TGM2: variants seen among roughly 807,000 people sequenced by gnomAD.
TGM2 encodes the protein transglutaminase 2.
In TGM2, 53 loss-of-function variants were observed where a neutral mutation model predicts 75.6. That is an observed-to-expected ratio of 0.70 (90% confidence interval 0.56 to 0.88). The LOEUF (loss-of-function observed/expected upper bound fraction) is 0.88, where lower values mean the gene tolerates loss of function less well. Ranked by LOEUF, TGM2 falls within the 40% of genes least tolerant of loss-of-function variation. The pLI is 0.00. For missense variants in TGM2, 842 were observed against 928.5 expected (o/e 0.91, Z 1.21); for synonymous variants, 374 against 381.1 (o/e 0.98, Z 0.22).
At chr20:38,132,608 C>T (rs1039448377) in intron 10 of TGM2, 108 bp from the exon 11 acceptor site, 14 of 1,464,774 alleles carry the variant, frequency 9.6e-6, no homozygotes, top group Non-Finnish European at 1.3e-5. Flanking sequence ...TGGGGTCACA[C>T]AGCGGGGGAA....
chr20:38,161,718 A>G lies in TGM2; in HGVS notation c.11-119T>C, dbSNP rs1454648950. 10 of 1,251,222 alleles carry G rather than the reference A, an allele frequency of 8.0e-6. No homozygotes were observed. The East Asian group carries it at 1.9e-4, about 24-fold the overall frequency. The allele number at this position is 1,251,222 out of a possible 1,614,324, so 77.5% of individuals were successfully genotyped here. ...CTCTTACTCCCCACAAAGCACAGCC[A>G]TTGTTTCGACTGACCTGTCTCCCCA... is the stretch of plus-strand genomic sequence containing the variant. On this transcript the variant is annotated intron_variant, in intron 1 of 12. Transcript: ENST00000361475.
intron 1 of TGM2, among the ~76,000 whole-genome samples, chr20:38,164,091 C>T (rs73905562): frequency 1.3e-3 from 198 of 152,348 alleles, no homozygotes; most frequent in African/African-American, 4.6e-3. Flanking sequence ...CCAGGATCTC[C>T]CAGCCCCACT....
At chr20:38,147,547 G>A (rs1404592349) in intron 5 of TGM2, among the ~76,000 whole-genome samples, 2 of 152,036 alleles carry the variant, frequency 1.3e-5, no homozygotes, top group Non-Finnish European at 2.9e-5. Flanking sequence ...CTCACACCTC[G>A]GGTTCCTTCA....
chr20:38,141,436 CG>C (rs773690347), intron 7 of TGM2, 51 bp from the exon 8 acceptor site: 8 of 1,358,202 alleles, frequency 5.9e-6, no homozygotes, highest in Non-Finnish European at 8.2e-6. Context: ...CAACATTCAT[CG>C]CCACCTCCCA....
At chr20:38,165,314 G>T, upstream of TGM2, 1 of 1,509,996 alleles carries the variant, frequency 6.6e-7, no homozygotes, top group Non-Finnish European at 9.1e-7. Context: ...GCTTTGGGGC[G>T]GGCCGGGGGC....
In TGM2 at chr20:38,138,210, G is replaced by A; in HGVS notation, c.1518C>T (p.Arg506=). Residue 506 remains arginine, a synonymous_variant, in exon 10 of 13, where the codon CGC becomes CGT. Coordinates refer to ENST00000361475, the MANE Select transcript of TGM2 (RefSeq NM_004613.4). ...TNNTAEEYVC[R]LLLCARTVSY... The stretch of plus-strand genomic sequence containing the variant: ...TGACGGTGCGGGCACAGAGCAGGAG[G>A]CGGCAGACGTACTCCTCAGCGGTGT... 6.2e-7 allele frequency: 1 copy of A among 1,610,498 alleles called. No homozygotes were observed. The highest frequency in any genetic ancestry group is 8.5e-7 in the Non-Finnish European group (1 of 1,178,472).
upstream of TGM2, chr20:38,165,440 G>A (rs867738765): frequency 2.2e-5 from 13 of 582,516 alleles, no homozygotes; most frequent in Middle Eastern, 9.1e-4. Flanking sequence ...GACGGCGGCC[G>A]GACGAGGGCG....
intron 2 of TGM2, among the ~76,000 whole-genome samples, chr20:38,161,002 T>A (rs559076155): frequency 6.6e-6 from 1 of 152,166 alleles, no homozygotes; most frequent in Middle Eastern, 3.4e-3. Context: ...ACAGGGTTTC[T>A]CCACGTTGGT....
chr20:38,140,460 A>G (rs1415832136), intron 8 of TGM2, among the ~76,000 whole-genome samples: 1 of 152,224 alleles, frequency 6.6e-6, no homozygotes, highest in Non-Finnish European at 1.5e-5. Context: ...AACAGAATTC[A>G]GGGGTCTATG....
chr20:38,155,823 G>T, intron 3 of TGM2, 24 bp downstream of exon 3: 1 of 1,589,508 alleles, frequency 6.3e-7, no homozygotes, highest in Admixed American at 1.8e-5. Flanking sequence ...CCCCAACGCT[G>T]TGAGTGGATG....
intron 3 of TGM2, among the ~76,000 whole-genome samples, chr20:38,153,707 T>A (rs536628339): frequency 6.6e-6 from 1 of 152,174 alleles, no homozygotes; most frequent in South Asian, 2.1e-4. Context: ...TCCAGGCACA[T>A]ACAGACTGAC....
chr20:38,132,358 AT>A lies in TGM2; in HGVS notation c.1757del (p.Asn586IlefsTer44). 6.2e-7 allele frequency: 1 copy of A among 1,614,032 alleles called. No homozygotes were observed. Among genetic ancestry groups the A allele is most frequent in the Non-Finnish European group, 8.5e-7 (1 of 1,180,010 alleles). ...LLAERDLYLE[N>X]PEIKIRILGE... ...CCCTTACCCGGATCTTGATTTCTGG[AT>A]TCTCCAGGTAGAGGTCCCTCTCAGC... On this transcript the variant is annotated frameshift_variant, in exon 11 of 13. Transcript: ENST00000361475. LOFTEE classifies it high-confidence loss of function.
At chr20:38,147,906 C>A in intron 5 of TGM2, 55 bp downstream of exon 5, 1 of 1,575,562 alleles carries the variant, frequency 6.3e-7, no homozygotes, top group Non-Finnish European at 8.6e-7. Flanking sequence ...GAGGGAGAGG[C>A]CTGCGGGAGC....
At chr20:38,158,304 C>T (rs1056375161) in intron 2 of TGM2, among the ~76,000 whole-genome samples, 7 of 152,352 alleles carry the variant, frequency 4.6e-5, no homozygotes, top group Non-Finnish European at 5.9e-5. Flanking sequence ...GGCTGTCCCA[C>T]GGTCCACCCG....
chr20:38,134,895 C>T (rs760871461), intron 10 of TGM2, among the ~76,000 whole-genome samples: 9 of 152,206 alleles, frequency 5.9e-5, no homozygotes, highest in African/African-American at 9.6e-5. Flanking sequence ...TTAGAGGGAA[C>T]GCATCTCAGC....
rs771250817 is a variant in TGM2, at chr20:38,131,110, C to T, written c.1896G>A (p.Glu632=). Residue 632 remains glutamate, a synonymous_variant, in exon 12 of 13, where the codon GAG becomes GAA. Coordinates refer to ENST00000361475, the MANE Select transcript of TGM2 (RefSeq NM_004613.4). ...GCACTTACATCTCCACCGTCTTCTG[C>T]TCCTCAGTCAGGCCGGCCCCCTCCA... is the stretch of plus-strand genomic sequence containing the variant. ...FTVEGAGLTE[E]QKTVEIPDPV... 18 of 1,612,864 alleles carry T rather than the reference C, an allele frequency of 1.1e-5. No homozygotes were observed. Among genetic ancestry groups the T allele is most frequent in the Non-Finnish European group, 4.2e-6 (5 of 1,180,004 alleles).
intron 6 of TGM2, among the ~76,000 whole-genome samples, chr20:38,144,995 G>C (rs1401024607): frequency 6.6e-6 from 1 of 152,166 alleles, no homozygotes; most frequent in Non-Finnish European, 1.5e-5. Context: ...TCCAGGTCTT[G>C]GATTTCGGGG....
Position 38,148,985 on chromosome 20 carries a change from T to A in TGM2, c.553-896A>T, listed in dbSNP as rs188230046. ...CAACAGCCTTCCACGGTGTGAACCC[T>A]CTGTGGCTCCCTATTGCCATCGGCC... On this transcript the variant is annotated intron_variant, in intron 4 of 12. Transcript: ENST00000361475. 6.8e-4 allele frequency among the ~76,000 whole-genome samples: 104 copies of A among 152,272 alleles called. 2 individuals carry two copies. Among genetic ancestry groups the A allele is most frequent in the Non-Finnish European group, 4.4e-5 (3 of 68,022 alleles).
rs965337885 is a variant in TGM2 at position 38,155,818 on chromosome 20, A to G, written c.433+29T>C. On this transcript the variant is annotated intron_variant, in intron 3 of 12. Transcript: ENST00000361475. Reference sequence around the variant, plus strand: ...GGCGGATCCAGCCCTGCCCACCCCAACGCTGTGAGTGGATGGCGTGTGGCT... The same window carrying G: ...GGCGGATCCAGCCCTGCCCACCCCAGCGCTGTGAGTGGATGGCGTGTGGCT... The G allele has an allele frequency of 3.8e-6, 6 of 1,585,662 alleles. No individual in the cohort carries two copies. The African/African-American group carries it at 4.0e-5, about 11-fold the overall frequency.
Sources: gnomAD v4.1 joint callset for allele counts (sites outside exome capture counted in the v4.1 genomes callset) on GRCh38, gnomAD v4.1.1 for gene constraint, MANE v1.5 for transcripts, NCBI Gene and HGNC (gene_info 2026-07-23, HGNC 2026-07-21) for gene names.